Variants in EML1 observed in about 807,000 individuals in gnomAD.
EML1 encodes the protein EMAP like 1.
Under a neutral mutation model 110.4 loss-of-function variants are expected in EML1, and 27 were observed. The observed-to-expected ratio is 0.24, with a 90% CI of 0.18 to 0.34. The LOEUF is 0.34. Among genes scored for constraint, EML1 ranks in the 10% least tolerant of loss-of-function variants. The probability of loss-of-function intolerance (pLI) is 1.00; values close to 1 mark genes in which losing one functional copy is unlikely to be tolerated. For synonymous variants in EML1, 344 were observed against 385.8 expected, an observed-to-expected ratio of 0.89 and a Z score of 1.27; for missense variants, 741 against 1,030.9, an observed-to-expected ratio of 0.72 and a Z score of 3.85.
chr14:99,886,973 T>A (rs150768918), intron 4 of EML1, among the ~76,000 whole-genome samples: 1 of 152,374 alleles, frequency 6.6e-6, no homozygotes, highest in East Asian at 1.9e-4. Context: ...GGATTTGGAC[T>A]TAGACATACG....
At chr14:99,865,457 A>T in intron 2 of EML1, 57 bp from the exon 3 acceptor site, 3 of 1,605,588 alleles carry the variant, frequency 1.9e-6, no homozygotes, top group Non-Finnish European at 2.6e-6. Flanking sequence ...CCCCTGCTGT[A>T]AAATGTTACC....
intron 1 of EML1, among the ~76,000 whole-genome samples, chr14:99,794,689 A>G (rs2057737933): frequency 6.6e-6 from 1 of 152,224 alleles, no homozygotes; most frequent in Non-Finnish European, 1.5e-5. Flanking sequence ...CATCTGAACC[A>G]TTTGTGGGCC....
chr14:99,824,531 T>A (rs2058320106), intron 1 of EML1, among the ~76,000 whole-genome samples: 1 of 152,190 alleles, frequency 6.6e-6, no homozygotes, highest in Non-Finnish European at 1.5e-5. Context: ...CACATATATA[T>A]GTCAGTAATT....
chr14:99,814,635 A>G (rs1281095066), intron 1 of EML1, among the ~76,000 whole-genome samples: 1 of 152,358 alleles, frequency 6.6e-6, no homozygotes, highest in South Asian at 2.1e-4. Flanking sequence ...AATAGATTGC[A>G]TAATGGATTG....
At chr14:99,859,769 C>T (rs2058969797) in intron 2 of EML1, among the ~76,000 whole-genome samples, 1 of 152,190 alleles carries the variant, frequency 6.6e-6, no homozygotes, top group Non-Finnish European at 1.5e-5. Context: ...CATGGGTTCT[C>T]ACTGGCTCTG....
chr14:99,874,803 A>G (rs2059261979), intron 3 of EML1: 1 of 697,906 alleles, frequency 1.4e-6, no homozygotes, highest in African/African-American at 1.8e-5. Flanking sequence ...ATATTTGCGA[A>G]CCAAAATGTC....
chr14:99,792,533 T>C (rs770282234), upstream of EML1, among the ~76,000 whole-genome samples: 20 of 152,374 alleles, frequency 1.3e-4, no homozygotes, highest in South Asian at 1.0e-3. Flanking sequence ...CATAGATCTA[T>C]GTGTTTCTCC....
At chr14:99,875,700 C>G (rs1354508460) in intron 3 of EML1, among the ~76,000 whole-genome samples, 1 of 152,162 alleles carries the variant, frequency 6.6e-6, no homozygotes, top group Non-Finnish European at 1.5e-5. Flanking sequence ...GAGCCTTGTA[C>G]TAAAGACTGG....
At chr14:99,883,145 C>T (rs776115607) in intron 4 of EML1, 3 of 152,250 alleles carry the variant, frequency 2.0e-5, no homozygotes, top group Non-Finnish European at 4.4e-5. Flanking sequence ...TGTGCCCTGA[C>T]ACGCATGCCT....
chr14:99,874,875 T>A, intron 3 of EML1: 2 of 1,518,908 alleles, frequency 1.3e-6, no homozygotes, highest in Non-Finnish European at 1.8e-6. Flanking sequence ...TTTTCCACGC[T>A]TTTATTAATT....
In EML1 at chr14:99,940,277, G is replaced by C. The variant is rs555808273; in HGVS notation, c.*165G>C. On this transcript the variant is annotated 3_prime_UTR_variant, in exon 22 of 22. Coordinates refer to ENST00000262233, the MANE Select transcript of EML1 (RefSeq NM_004434.3). ...TTAGCGTGTCAGCGGGCGCCACAGC[G>C]GATCAGCGGTTCCGTGTTCACTTTT... is the stretch of plus-strand genomic sequence containing the variant. 1.1e-6 allele frequency: 1 copy of C among 903,160 alleles called. No individual in the cohort carries two copies. The highest frequency in any genetic ancestry group is 1.5e-6 in the Non-Finnish European group (1 of 655,224). 55.9% of individuals were successfully genotyped at this position (903,160 alleles called of 1,614,324 possible).
intron 1 of EML1, among the ~76,000 whole-genome samples, chr14:99,829,053 T>G (rs1455253850): frequency 2.6e-5 from 4 of 152,304 alleles, no homozygotes; most frequent in Admixed American, 2.0e-4. Flanking sequence ...ACAGTGTATA[T>G]AGGGTTCAGT....
chr14:99,940,164 C>CATT lies in EML1; in HGVS notation c.*54_*56dup, dbSNP rs780463171. On this transcript the variant is annotated 3_prime_UTR_variant, in exon 22 of 22. Transcript: ENST00000262233. ...CATGGGCAAGGAAGACACAGACTCG[C>CATT]ATTACCCTTGGTCACTGTGATTTCT... The CATT allele has an allele frequency of 9.8e-6, 14 of 1,434,244 alleles. No homozygotes were observed. The African/African-American group carries it at 2.1e-4, about 21-fold the overall frequency. 88.8% of individuals were successfully genotyped at this position (1,434,244 alleles called of 1,614,324 possible).
chr14:99,868,615 G>A (rs973118482), intron 3 of EML1, among the ~76,000 whole-genome samples: 1 of 151,912 alleles, frequency 6.6e-6, no homozygotes, highest in African/African-American at 2.4e-5. Flanking sequence ...GTTCACAGTG[G>A]TCTCTTATAG....
At chr14:99,937,726 C>T (rs556550419) in intron 19 of EML1, 91 bp from the exon 20 acceptor site, 2 of 1,188,274 alleles carry the variant, frequency 1.7e-6, no homozygotes, top group South Asian at 2.6e-5. Flanking sequence ...GGGCTCTGTA[C>T]CCAACGGGGC....
intron 1 of EML1, among the ~76,000 whole-genome samples, chr14:99,758,793 G>T (rs964982700): frequency 1.8e-4 from 28 of 152,204 alleles, no homozygotes; most frequent in Non-Finnish European, 4.0e-4. Context: ...TGCTCACAAG[G>T]ACTTTCTGTA....
chr14:99,913,165 T>TTA (rs57512941), intron 13 of EML1, among the ~76,000 whole-genome samples: 83,342 of 136,628 alleles, frequency 0.61, 23,471 homozygotes, highest in African/African-American at 0.74. Context: ...TATGGCAGTG[T>TTA]TATTATTATT....
intron 2 of EML1, among the ~76,000 whole-genome samples, chr14:99,860,825 C>T (rs2058991531): frequency 1.3e-5 from 2 of 151,984 alleles, no homozygotes; most frequent in African/African-American, 4.8e-5. Context: ...CTCTCCTCTT[C>T]CTCCTCTTCC....
intron 3 of EML1, among the ~76,000 whole-genome samples, chr14:99,877,996 T>C (rs1033842965): frequency 6.6e-6 from 1 of 152,182 alleles, no homozygotes; most frequent in African/African-American, 2.4e-5. Flanking sequence ...TCAGGACAGC[T>C]TTGAATGTGG....
Sources: allele counts gnomAD v4.1 joint callset (sites outside exome capture counted in the v4.1 genomes callset), GRCh38; gene constraint gnomAD v4.1.1; transcripts MANE v1.5; gene names NCBI Gene and HGNC (gene_info 2026-07-23, HGNC 2026-07-21).